Variants in RBFOX1 observed in about 807,000 individuals in gnomAD.
RBFOX1 encodes RNA binding protein fox-1 homolog 1.
RBFOX1 carries 8 observed loss-of-function variants against 57.7 expected under a neutral mutation model. That is an observed-to-expected ratio of 0.14 (90% confidence interval 0.08 to 0.25). RBFOX1 has a LOEUF of 0.25. RBFOX1 is among the 10% of genes least tolerant of loss of function. RBFOX1 has a pLI of 1.00. For synonymous variants in RBFOX1, 326 were observed against 222.4 expected (o/e 1.47, Z -4.15); for missense variants, 611 against 548.5 (o/e 1.11, Z -1.14).
intron 1 of RBFOX1, among the ~76,000 whole-genome samples, chr16:6,249,234 G>A (rs8046144): frequency 0.12 from 17,843 of 152,126 alleles, 1,158 homozygotes; most frequent in Middle Eastern, 0.27. Context: ...AAGATGCATA[G>A]GTTTTGAGAG....
At chr16:6,700,676 A>G (rs1163167933) in intron 3 of RBFOX1, among the ~76,000 whole-genome samples, 1 of 152,124 alleles carries the variant, frequency 6.6e-6, no homozygotes, top group African/African-American at 2.4e-5. Flanking sequence ...AATAATAATA[A>G]TAATTTTTTA....
chr16:6,231,882 T>C (rs1409929478), intron 1 of RBFOX1, among the ~76,000 whole-genome samples: 1 of 134,130 alleles, frequency 7.5e-6, no homozygotes, highest in Admixed American at 8.2e-5. Flanking sequence ...GCAGCAATAA[T>C]TGAAAACAAT....
chr16:7,660,550 G>A (rs1306587870), intron 12 of RBFOX1, among the ~76,000 whole-genome samples: 1 of 152,188 alleles, frequency 6.6e-6, no homozygotes, highest in Admixed American at 6.5e-5. Context: ...GCTTTGTGAT[G>A]AGAACTTTCC....
At position 5,599,527 on chromosome 16, in the gene RBFOX1, C is replaced by T. The variant is rs527782168; in HGVS notation, c.*278C>T. On this transcript the variant is annotated 3_prime_UTR_variant, in exon 3 of 3. Transcript: ENST00000585867. ...GATACTTCTGAAATCACTCATGCAC[C>T]GCCTCTCGGCAATGCAATCATGGTG... is the stretch of plus-strand genomic sequence containing the variant. 1.3e-4 allele frequency: 48 copies of T among 373,400 alleles called. 1 individual carries two copies. The South Asian group carries it at 2.5e-3, about 20-fold the overall frequency. The allele number at this position is 373,400 out of a possible 1,614,324, so 23.1% of individuals were successfully genotyped here.
intron 2 of RBFOX1, among the ~76,000 whole-genome samples, chr16:6,411,157 T>A (rs895199552): frequency 6.6e-6 from 1 of 152,144 alleles, no homozygotes; most frequent in African/African-American, 2.4e-5. Context: ...GTTTTTAAAT[T>A]TTTTTTGTAG....
At chr16:6,590,569 G>A (rs753476766) in intron 2 of RBFOX1, among the ~76,000 whole-genome samples, 5 of 152,190 alleles carry the variant, frequency 3.3e-5, no homozygotes, top group Non-Finnish European at 7.3e-5. Flanking sequence ...TTTAGTGAGA[G>A]TTCTACAGGA....
chr16:6,815,176 T>A (rs147713922), intron 3 of RBFOX1, among the ~76,000 whole-genome samples: 1 of 152,170 alleles, frequency 6.6e-6, no homozygotes, highest in Non-Finnish European at 1.5e-5. Context: ...GTGAGAGTGC[T>A]GTTGAGCATG....
At chr16:6,123,076 C>G (rs907465835) in intron 1 of RBFOX1, among the ~76,000 whole-genome samples, 5 of 152,088 alleles carry the variant, frequency 3.3e-5, no homozygotes, top group Admixed American at 1.3e-4. Context: ...TACTTAGGAA[C>G]ATTGCAAAAT....
chr16:7,567,749 C>A (rs905992621), intron 5 of RBFOX1, among the ~76,000 whole-genome samples: 1 of 122,554 alleles, frequency 8.2e-6, no homozygotes, highest in South Asian at 2.6e-4. Flanking sequence ...CTATATATAT[C>A]CATATAACCC....
intron 4 of RBFOX1, among the ~76,000 whole-genome samples, chr16:7,480,535 G>T (rs981202815): frequency 1.3e-5 from 2 of 152,054 alleles, no homozygotes; most frequent in Non-Finnish European, 1.5e-5. Context: ...ATACATATAT[G>T]GTATTTACTT....
At chr16:6,234,174 G>A (rs2097487546) in intron 1 of RBFOX1, among the ~76,000 whole-genome samples, 1 of 152,098 alleles carries the variant, frequency 6.6e-6, no homozygotes, top group South Asian at 2.1e-4. Context: ...CCATCACAGT[G>A]GCATTAAGTC....
At chr16:6,412,857 G>A (rs1008301173) in intron 2 of RBFOX1, among the ~76,000 whole-genome samples, 26 of 152,178 alleles carry the variant, frequency 1.7e-4, no homozygotes, top group African/African-American at 5.6e-4. Flanking sequence ...TTACTGGAGC[G>A]TGCACCTGGC....
At chr16:5,479,310 C>G (rs532352302) in intron 2 of RBFOX1, among the ~76,000 whole-genome samples, 2 of 152,238 alleles carry the variant, frequency 1.3e-5, no homozygotes, top group East Asian at 1.9e-4. Flanking sequence ...GTCCCTAGAA[C>G]AAGGACTGTA....
intron 4 of RBFOX1, among the ~76,000 whole-genome samples, chr16:7,275,355 C>T (rs953103958): frequency 5.3e-5 from 8 of 152,210 alleles, no homozygotes; most frequent in African/African-American, 1.9e-4. Context: ...TAACCATTTC[C>T]CTGTTTTAGA....
intron 4 of RBFOX1, among the ~76,000 whole-genome samples, chr16:7,064,612 A>T (rs1342930550): frequency 6.6e-6 from 1 of 152,152 alleles, no homozygotes; most frequent in African/African-American, 2.4e-5. Flanking sequence ...TGAGTCGCAG[A>T]CTTCTGGCCT....
chr16:7,208,750 T>C (rs988440458), intron 4 of RBFOX1, among the ~76,000 whole-genome samples: 1 of 152,100 alleles, frequency 6.6e-6, no homozygotes, highest in Non-Finnish European at 1.5e-5. Context: ...AGCAAGAAGA[T>C]TATTTGAGTC....
At chr16:7,165,339 G>C (rs1195981647) in intron 4 of RBFOX1, among the ~76,000 whole-genome samples, 1 of 149,632 alleles carries the variant, frequency 6.7e-6, no homozygotes, top group Non-Finnish European at 1.5e-5. Flanking sequence ...CACCCAGGGT[G>C]AAAAAATGGA....
intron 1 of RBFOX1, among the ~76,000 whole-genome samples, chr16:5,424,999 T>TTTTTTTC (rs2067501865): frequency 7.1e-6 from 1 of 140,388 alleles, no homozygotes; most frequent in Admixed American, 7.5e-5. Context: ...TTTTCTTTTC[T>TTTTTTTC]TTTCTTTTCT....
chr16:6,264,717 G>A (rs965433151), intron 1 of RBFOX1, among the ~76,000 whole-genome samples: 1 of 152,154 alleles, frequency 6.6e-6, no homozygotes, highest in Non-Finnish European at 1.5e-5. Flanking sequence ...CAGTCCCTGA[G>A]GCCTAAGTGC....
Sources: gnomAD v4.1 joint callset for allele counts (sites outside exome capture counted in the v4.1 genomes callset) on GRCh38, gnomAD v4.1.1 for gene constraint, MANE v1.5 for transcripts, NCBI Gene and HGNC (gene_info 2026-07-23, HGNC 2026-07-21) for gene names.